Variants in GAS7 observed in about 807,000 individuals in gnomAD.
GAS7 encodes growth arrest-specific protein 7.
A neutral mutation model predicts 71.1 loss-of-function variants in GAS7; 28 were observed. That is an observed-to-expected ratio of 0.39 (90% confidence interval 0.29 to 0.54). GAS7 has a LOEUF of 0.54. GAS7 is among the 20% of genes least tolerant of loss of function. GAS7 has a pLI of 0.62. For synonymous variants in GAS7, 258 were observed against 245.8 expected (o/e 1.05, Z -0.46); for missense variants, 436 against 627.8 (o/e 0.69, Z 3.27).
Position 10,130,466 on chromosome 17 carries a change from A to G in GAS7, c.183+67742T>C, listed in dbSNP as rs139747678. Among the ~76,000 whole-genome samples the G allele has an allele frequency of 8.3e-4, 126 of 152,238 alleles. 4 individuals carry two copies. In the East Asian group the frequency reaches 0.023, roughly 28 times the overall value. ...ATTCCTCAAAAGGTTAAACATACTTACCACGTGACCCAGCAATTCCACCCC... is the reference window on the plus strand; with the variant it reads ...ATTCCTCAAAAGGTTAAACATACTTGCCACGTGACCCAGCAATTCCACCCC... On this transcript the variant is annotated intron_variant, in intron 1 of 13. Transcript: ENST00000432992.
intron 1 of GAS7, among the ~76,000 whole-genome samples, chr17:10,052,752 C>G (rs1597753278): frequency 6.6e-6 from 1 of 152,132 alleles, no homozygotes; most frequent in African/African-American, 2.4e-5. Context: ...AGAAGGGGAA[C>G]CACCTTGCTC....
At chr17:10,049,257 CAT>C (rs2152234871) in intron 1 of GAS7, among the ~76,000 whole-genome samples, 2 of 152,324 alleles carry the variant, frequency 1.3e-5, no homozygotes, top group South Asian at 2.1e-4. Flanking sequence ...GTTAAAAACT[CAT>C]ATTGAATGGA....
chr17:10,174,977 C>T (rs1372717923), intron 1 of GAS7, among the ~76,000 whole-genome samples: 2 of 152,092 alleles, frequency 1.3e-5, no homozygotes, highest in Non-Finnish European at 2.9e-5. Flanking sequence ...TTCCGAGTAG[C>T]TGGGACCACA....
chr17:9,941,187 A>G (rs898040304), intron 7 of GAS7, among the ~76,000 whole-genome samples: 1 of 152,214 alleles, frequency 6.6e-6, no homozygotes, highest in African/African-American at 2.4e-5. Context: ...TCCTTCTTGC[A>G]CTGCTTTCCC....
At chr17:10,186,034 C>T (rs2142148498) in intron 1 of GAS7, among the ~76,000 whole-genome samples, 1 of 145,148 alleles carries the variant, frequency 6.9e-6, no homozygotes, top group East Asian at 2.0e-4. Context: ...CGGCTCACTG[C>T]AAGCTCCGCC....
intron 1 of GAS7, among the ~76,000 whole-genome samples, chr17:10,105,455 T>C (rs950344363): frequency 1.3e-5 from 2 of 152,210 alleles, no homozygotes; most frequent in Non-Finnish European, 2.9e-5. Flanking sequence ...CCATGTTAGA[T>C]GGTACAGGCC....
chr17:9,968,707 C>A (rs1050049165), intron 4 of GAS7, among the ~76,000 whole-genome samples: 5 of 152,146 alleles, frequency 3.3e-5, no homozygotes, highest in Non-Finnish European at 7.4e-5. Flanking sequence ...ATCAATCCTC[C>A]GGTTTATTTT....
At chr17:10,121,170 C>T (rs1414812325) in intron 1 of GAS7, among the ~76,000 whole-genome samples, 3 of 152,190 alleles carry the variant, frequency 2.0e-5, no homozygotes, top group African/African-American at 2.4e-5. Flanking sequence ...CACCTGAGGT[C>T]GGGAGTTTGA....
At chr17:9,936,779 C>T (rs913851247) in intron 8 of GAS7, among the ~76,000 whole-genome samples, 16 of 152,216 alleles carry the variant, frequency 1.1e-4, no homozygotes, top group Non-Finnish European at 2.2e-4. Flanking sequence ...AATCAAAATG[C>T]ATGTTGTTTT....
intron 9 of GAS7, among the ~76,000 whole-genome samples, chr17:9,931,737 C>T (rs137925798): frequency 1.3e-5 from 2 of 152,352 alleles, no homozygotes; most frequent in East Asian, 3.9e-4. Context: ...CATGCCTTCA[C>T]TGGCTGGGAA....
intron 1 of GAS7, among the ~76,000 whole-genome samples, chr17:10,023,244 C>T (rs757526571): frequency 7.9e-5 from 12 of 152,180 alleles, no homozygotes; most frequent in African/African-American, 1.4e-4. Flanking sequence ...CTCCATCTCC[C>T]GAGGCAGCCA....
chr17:10,128,810 G>A (rs929679806), intron 1 of GAS7, among the ~76,000 whole-genome samples: 3 of 150,700 alleles, frequency 2.0e-5, no homozygotes, highest in African/African-American at 7.3e-5. Context: ...TAGTAGACAT[G>A]GGTTTTCACC....
At position 10,181,124 on chromosome 17, in the gene GAS7, G is replaced by T. The variant is rs181022528; in HGVS notation, c.183+17084C>A. Among the ~76,000 whole-genome samples, 42 of 150,430 alleles carry T rather than the reference G, an allele frequency of 2.8e-4. No homozygotes were observed. In the East Asian group the frequency reaches 8.0e-3, roughly 29 times the overall value. ...CGCCTGTAATCCCAGCACTTTGGGA[G>T]GCCAAGGCGGGCACATCACGAGGTC... is the stretch of plus-strand genomic sequence containing the variant. On this transcript the variant is annotated intron_variant, in intron 1 of 13. Coordinates refer to ENST00000432992, the MANE Select transcript of GAS7 (RefSeq NM_201433.2).
At chr17:10,168,965 A>T (rs996084665) in intron 1 of GAS7, among the ~76,000 whole-genome samples, 1 of 126,772 alleles carries the variant, frequency 7.9e-6, no homozygotes, top group South Asian at 2.9e-4. Context: ...GTGAGACTCC[A>T]TCTCAAAAAA....
intron 1 of GAS7, among the ~76,000 whole-genome samples, chr17:10,057,601 G>A (rs368605445): frequency 9.3e-5 from 14 of 149,872 alleles, no homozygotes; most frequent in South Asian, 4.3e-4. Context: ...GCCCCCGCCC[G>A]GCCAGCCGCC....
intron 1 of GAS7, among the ~76,000 whole-genome samples, chr17:10,126,543 A>AAC (rs1567602437): frequency 0.013 from 192 of 14,294 alleles, 1 homozygote; most frequent in African/African-American, 0.042. Context: ...ACACACAAAG[A>AAC]GCGCACACAC....
chr17:10,052,998 A>G (rs62065818), intron 1 of GAS7, among the ~76,000 whole-genome samples: 3,840 of 152,224 alleles, frequency 0.025, 75 homozygotes, highest in Non-Finnish European at 0.043. Context: ...ATAAACACAC[A>G]TTGGCTACAT....
chr17:10,100,810 G>T (rs554005436), intron 1 of GAS7, among the ~76,000 whole-genome samples: 2 of 152,274 alleles, frequency 1.3e-5, no homozygotes, highest in Admixed American at 1.3e-4. Context: ...TAATTCCAAA[G>T]CGGGATAAAA....
intron 11 of GAS7, among the ~76,000 whole-genome samples, chr17:9,923,807 A>T (rs554220495): frequency 6.6e-6 from 1 of 152,356 alleles, no homozygotes; most frequent in South Asian, 2.1e-4. Context: ...AGGCACACAC[A>T]AAGATGCAGG....
Sources: allele counts gnomAD v4.1 joint callset (sites outside exome capture counted in the v4.1 genomes callset), GRCh38; gene constraint gnomAD v4.1.1; transcripts MANE v1.5; gene names NCBI Gene and HGNC (gene_info 2026-07-23, HGNC 2026-07-21).